ZNF385A: variants seen among roughly 807,000 people sequenced by gnomAD.
ZNF385A encodes the protein zinc finger protein 385A, also known as hematopoietic zinc finger protein.
In ZNF385A, 14 loss-of-function variants were observed where a neutral mutation model predicts 32.1. That is an observed-to-expected ratio of 0.44 (90% CI 0.29 to 0.68). The LOEUF (loss-of-function observed/expected upper bound fraction) is 0.68. Among genes scored for constraint, ZNF385A ranks in the 30% least tolerant of loss-of-function variants. The pLI, the probability that ZNF385A is intolerant of heterozygous loss-of-function variation, is 0.14. For missense variants in ZNF385A, 406 were observed against 478.4 expected, an observed-to-expected ratio of 0.85 and a Z score of 1.41; for synonymous variants, 197 against 202.7, an observed-to-expected ratio of 0.97 and a Z score of 0.24.
rs118026512 is a variant in ZNF385A, at chr12:54,378,725, G to A, written c.88-2771C>T. ...TAGAGAGCAGGTGCAAGCTGGTGGGGGAGGGATGCTGGGAAGGGGCTGGGG... is the reference window on the plus strand; with the variant it reads ...TAGAGAGCAGGTGCAAGCTGGTGGGAGAGGGATGCTGGGAAGGGGCTGGGG... On this transcript the variant is annotated intron_variant, in intron 1 of 6. Coordinates refer to ENST00000394313, the MANE Select transcript of ZNF385A (RefSeq NM_015481.3). Among the ~76,000 whole-genome samples, 305 of 152,212 alleles carry A rather than the reference G, an allele frequency of 2.0e-3. 1 individual carries two copies. In the East Asian group the frequency reaches 0.04, roughly 20 times the overall value.
intron 2 of ZNF385A, 31 bp from the exon 3 acceptor site, chr12:54,374,166 G>T: frequency 6.8e-7 from 1 of 1,475,070 alleles, no homozygotes; most frequent in Non-Finnish European, 9.1e-7. Context: ...AATGGAATCT[G>T]AGATCACCTT....
upstream of ZNF385A, chr12:54,385,573 G>C: frequency 1.1e-6 from 1 of 930,512 alleles, no homozygotes; most frequent in Non-Finnish European, 1.3e-6. Context: ...AAGGCAAACC[G>C]AGGAGGCTGC....
upstream of ZNF385A, among the ~76,000 whole-genome samples, chr12:54,387,095 G>C (rs997022578): frequency 6.6e-6 from 1 of 152,230 alleles, no homozygotes; most frequent in African/African-American, 2.4e-5. Context: ...CTGAAGCAGA[G>C]ATCTGAGCAC....
chr12:54,387,622 C>T (rs2137313575), upstream of ZNF385A, among the ~76,000 whole-genome samples: 1 of 152,230 alleles, frequency 6.6e-6, no homozygotes, highest in East Asian at 1.9e-4. Flanking sequence ...GGTTCTCTGA[C>T]TCTCAGTCTC....
At position 54,375,851 on chromosome 12, in the gene ZNF385A, T is replaced by C; in HGVS notation, c.191A>G (p.Asn64Ser). 1 of 1,614,078 alleles carries C rather than the reference T, an allele frequency of 6.2e-7. No homozygotes were observed. Among genetic ancestry groups the C allele is most frequent in the Non-Finnish European group, 8.5e-7 (1 of 1,179,942 alleles). ...AGCAGCTTGGCTTCTTACCTGAGAA[T>C]TGAAGCGGATTTGACAGATATTACA... ...ISCNICQIRF[N>S]SQSQAEAHYK... is the part of the protein sequence containing the mutation. The change falls in exon 2 of 7, where the codon AAT becomes AGT. Residue 64 changes from asparagine (N) to serine (S), a missense_variant. Transcript: ENST00000394313.
intron 1 of ZNF385A, among the ~76,000 whole-genome samples, chr12:54,384,179 G>A (rs1955345675): frequency 1.3e-5 from 2 of 152,186 alleles, no homozygotes. Flanking sequence ...AGGACTAAAT[G>A]AGATAATTCA....
At chr12:54,374,254 A>G in intron 2 of ZNF385A, 119 bp from the exon 3 acceptor site, 1 of 952,868 alleles carries the variant, frequency 1.0e-6, no homozygotes, top group Non-Finnish European at 1.4e-6. Context: ...TTTTCTGTAC[A>G]CCAGTGAGAT....
chr12:54,375,196 C>T (rs936299548), intron 2 of ZNF385A, among the ~76,000 whole-genome samples: 17 of 152,096 alleles, frequency 1.1e-4, no homozygotes, highest in Admixed American at 1.1e-3. Context: ...CCCACAAAGT[C>T]CCCTCTAGAG....
At chr12:54,387,726 T>C (rs1955532248), upstream of ZNF385A, among the ~76,000 whole-genome samples, 1 of 152,218 alleles carries the variant, frequency 6.6e-6, no homozygotes, top group African/African-American at 2.4e-5. Flanking sequence ...CATGTCACAG[T>C]GAGAACTCAA....
At chr12:54,379,134 G>T in intron 1 of ZNF385A, 11 of 981,456 alleles carry the variant, frequency 1.1e-5, no homozygotes, top group Non-Finnish European at 1.3e-5. Flanking sequence ...GGCCGCGCCT[G>T]GCCGGGCCGG....
intron 1 of ZNF385A, among the ~76,000 whole-genome samples, chr12:54,379,644 G>C (rs1955039875): frequency 6.6e-6 from 1 of 152,094 alleles, no homozygotes; most frequent in Non-Finnish European, 1.5e-5. Flanking sequence ...CCTAGGGATG[G>C]GAAACTGAAC....
intron 1 of ZNF385A, chr12:54,379,013 T>C: frequency 1.0e-6 from 1 of 964,862 alleles, no homozygotes; most frequent in Non-Finnish European, 1.2e-6. Flanking sequence ...GGGGTGGGGG[T>C]GCGCTGCGGC....
In ZNF385A at chr12:54,373,966, G is replaced by C; in HGVS notation, c.361+7C>G. Reference sequence around the variant, plus strand: ...CAGTTGAAGAATATGCGGGGATTCAGACACACCTGGACGGGGTGCTACACC... The same window carrying C: ...CAGTTGAAGAATATGCGGGGATTCACACACACCTGGACGGGGTGCTACACC... On this transcript the variant is annotated splice_region_variant and intron_variant, in intron 3 of 6. Transcript: ENST00000394313. 3 of 1,483,830 alleles carry C rather than the reference G, an allele frequency of 2.0e-6. No individual in the cohort carries two copies. In the South Asian group the frequency reaches 4.1e-5, roughly 20 times the overall value. 91.9% of individuals were successfully genotyped at this position (1,483,830 alleles called of 1,614,324 possible).
rs1043894334 is a variant in ZNF385A, at chr12:54,371,714, A to G, written c.363T>C (p.Val121=). Residue 121 remains valine (V), a splice_region_variant and synonymous_variant, in exon 4 of 7, where the codon GTT becomes GTC. Coordinates refer to ENST00000394313, the MANE Select transcript of ZNF385A (RefSeq NM_015481.3). ...CTGGCCCCAGTCCATTCTCCATGGAAACTGTTGTTGGGGGAGAAACATGGG... is the reference window on the plus strand; with the variant it reads ...CTGGCCCCAGTCCATTCTCCATGGAGACTGTTGTTGGGGGAGAAACATGGG... ...TNGDGVAPRP[V]SMENGLGPAP... 1.9e-6 allele frequency: 3 copies of G among 1,611,450 alleles called. No homozygotes were observed. The African/African-American group carries it at 4.0e-5, about 22-fold the overall frequency.
intron 1 of ZNF385A, among the ~76,000 whole-genome samples, chr12:54,382,613 A>G (rs1955252451): frequency 6.6e-6 from 1 of 152,170 alleles, no homozygotes; most frequent in Non-Finnish European, 1.5e-5. Context: ...TGAAGGTGAA[A>G]TGAGATTGCA....
intron 1 of ZNF385A, among the ~76,000 whole-genome samples, chr12:54,380,908 C>T (rs1410031028): frequency 3.3e-5 from 5 of 152,010 alleles, no homozygotes; most frequent in Non-Finnish European, 7.4e-5. Flanking sequence ...ACTAAAAATA[C>T]AAAAATTGGC....
intron 1 of ZNF385A, among the ~76,000 whole-genome samples, chr12:54,376,939 G>A (rs1041238102): frequency 2.1e-4 from 32 of 152,158 alleles, no homozygotes; most frequent in Non-Finnish European, 1.9e-4. Context: ...GGGATGGCTG[G>A]GCTCTCTCAT....
At chr12:54,390,015 CAG>C (rs1955593830) in intron 1 of ZNF385A, among the ~76,000 whole-genome samples, 1 of 152,050 alleles carries the variant, frequency 6.6e-6, no homozygotes, top group Non-Finnish European at 1.5e-5. Context: ...AGGTAGTCAA[CAG>C]GGATAGGCGG....
chr12:54,384,876 T>C, upstream of ZNF385A: 1 of 1,096,396 alleles, frequency 9.1e-7, no homozygotes, highest in Non-Finnish European at 1.1e-6. Context: ...GCAGGCTGCC[T>C]GCTGAACCAG....
Sources: gnomAD v4.1 joint callset for allele counts (sites outside exome capture counted in the v4.1 genomes callset) on GRCh38, gnomAD v4.1.1 for gene constraint, MANE v1.5 for transcripts, NCBI Gene and HGNC (gene_info 2026-07-23, HGNC 2026-07-21) for gene names.